Variants in TRIM36 observed in about 807,000 individuals in gnomAD.
TRIM36 encodes tripartite motif containing 36.
A neutral mutation model predicts 72.4 loss-of-function variants in TRIM36; 42 were observed. The observed-to-expected ratio is 0.58, with a 90% CI of 0.45 to 0.75. The LOEUF is 0.75. TRIM36 is among the 30% of genes least tolerant of loss of function. The pLI is 0.00. For missense variants in TRIM36, 913 were observed against 857.1 expected, an observed-to-expected ratio of 1.07 and a Z score of -0.81; for synonymous variants, 315 against 282.8, an observed-to-expected ratio of 1.11 and a Z score of -1.14.
chr5:115,169,995 G>A (rs1755021166), upstream of TRIM36: 2 of 1,105,688 alleles, frequency 1.8e-6, no homozygotes, highest in East Asian at 5.2e-5. Flanking sequence ...AGGCAACAGC[G>A]CCAGTCGCAC....
intron 2 of TRIM36, among the ~76,000 whole-genome samples, chr5:115,162,770 C>A (rs1196861251): frequency 6.6e-6 from 1 of 151,882 alleles, no homozygotes; most frequent in South Asian, 2.1e-4. Flanking sequence ...CCTCAGTGCG[C>A]CAGATTGGCA....
chr5:115,160,556 G>T (rs528770023), intron 2 of TRIM36, among the ~76,000 whole-genome samples: 2 of 152,276 alleles, frequency 1.3e-5, no homozygotes, highest in African/African-American at 4.8e-5. Context: ...GGCAAAACTA[G>T]ACTGGGTATA....
chr5:115,177,506 A>G (rs1301227366), intron 1 of TRIM36: 22 of 1,308,114 alleles, frequency 1.7e-5, no homozygotes, highest in Middle Eastern at 3.0e-4. Context: ...CGAACCCCAC[A>G]GAGGAAAATA....
At chr5:115,177,654 G>A in intron 1 of TRIM36, 1 of 1,589,378 alleles carries the variant, frequency 6.3e-7, no homozygotes, top group Non-Finnish European at 8.6e-7. Context: ...AGCCTGAGGA[G>A]AGTGGTAGGA....
intron 8 of TRIM36, 104 bp from the exon 9 acceptor site, chr5:115,130,993 CG>C: frequency 7.5e-7 from 1 of 1,327,906 alleles, no homozygotes; most frequent in Non-Finnish European, 1.0e-6. Flanking sequence ...AGACAGGAAG[CG>C]GGAAGGAGGT....
intron 2 of TRIM36, among the ~76,000 whole-genome samples, chr5:115,151,421 C>G (rs1171517848): frequency 6.6e-6 from 1 of 151,978 alleles, no homozygotes; most frequent in African/African-American, 2.4e-5. Context: ...CGCCCTGCCC[C>G]CACCCAGGGG....
chr5:115,179,189 T>G (rs763641714), intron 1 of TRIM36, among the ~76,000 whole-genome samples: 1 of 152,058 alleles, frequency 6.6e-6, no homozygotes, highest in Non-Finnish European at 1.5e-5. Flanking sequence ...GCAAACCACT[T>G]AGGAGCTTCT....
At chr5:115,179,217 T>C (rs1755492132) in intron 1 of TRIM36, among the ~76,000 whole-genome samples, 1 of 152,174 alleles carries the variant, frequency 6.6e-6, no homozygotes, top group Non-Finnish European at 1.5e-5. Flanking sequence ...ATTTCTCGGA[T>C]GCAGCGCGGA....
At chr5:115,174,800 G>A (rs60504148), upstream of TRIM36, among the ~76,000 whole-genome samples, 135 of 152,216 alleles carry the variant, frequency 8.9e-4, 1 homozygote, top group African/African-American at 3.1e-3. Flanking sequence ...TTTTATTTAA[G>A]ACAAAATCTA....
At chr5:115,159,534 AT>A in intron 2 of TRIM36, 1 of 387,006 alleles carries the variant, frequency 2.6e-6, no homozygotes, top group East Asian at 7.9e-5. Flanking sequence ...TCTCTACACA[AT>A]TTTGAAGACT....
intron 2 of TRIM36, among the ~76,000 whole-genome samples, chr5:115,162,450 A>T (rs11745636): frequency 1.3e-5 from 2 of 152,054 alleles, no homozygotes; most frequent in African/African-American, 4.8e-5. Flanking sequence ...ACAGAGTACC[A>T]TGTCAGGTAA....
chr5:115,163,807 T>A (rs1272714789), intron 1 of TRIM36, 55 bp from the exon 2 acceptor site: 6 of 1,279,036 alleles, frequency 4.7e-6, no homozygotes, highest in African/African-American at 1.5e-5. Flanking sequence ...TATATTAACA[T>A]TCTTATACCT....
At chr5:115,146,768 G>C (rs1208899197) in intron 3 of TRIM36, among the ~76,000 whole-genome samples, 13 of 152,116 alleles carry the variant, frequency 8.5e-5, no homozygotes, top group Admixed American at 8.5e-4. Context: ...CAATCTTAAA[G>C]AGTATATCTG....
intron 9 of TRIM36, 148 bp from the exon 10 acceptor site, chr5:115,127,005 T>C (rs763036291): frequency 7.2e-6 from 6 of 836,242 alleles, no homozygotes; most frequent in African/African-American, 3.4e-5. Flanking sequence ...AACATAAAAA[T>C]GACACATTAC....
chr5:115,150,240 C>G (rs943275319), intron 2 of TRIM36, among the ~76,000 whole-genome samples: 1 of 152,102 alleles, frequency 6.6e-6, no homozygotes. Context: ...GAATTAAGAA[C>G]AAAATGGAAG....
upstream of TRIM36, chr5:115,171,087 T>C (rs765861920): frequency 3.7e-6 from 6 of 1,614,226 alleles, no homozygotes; most frequent in Non-Finnish European, 5.1e-6. Flanking sequence ...TACAGAGCTG[T>C]AGCGAGACAT....
intron 1 of TRIM36, chr5:115,179,828 G>A: frequency 2.8e-6 from 2 of 714,832 alleles, no homozygotes; most frequent in Non-Finnish European, 4.7e-6. Flanking sequence ...CGCAGCTGCT[G>A]GGACGCCCGG....
At chr5:115,160,732 G>C (rs796800514) in intron 2 of TRIM36, among the ~76,000 whole-genome samples, 2 of 152,188 alleles carry the variant, frequency 1.3e-5, no homozygotes, top group African/African-American at 4.8e-5. Context: ...TCTAGTCTCC[G>C]GTATGTAGGA....
intron 2 of TRIM36, among the ~76,000 whole-genome samples, chr5:115,152,210 T>G (rs1281931264): frequency 6.6e-6 from 1 of 152,086 alleles, no homozygotes; most frequent in South Asian, 2.1e-4. Context: ...GACACACTAA[T>G]AGAAATGCAA....
Sources: allele counts gnomAD v4.1 joint callset (sites outside exome capture counted in the v4.1 genomes callset), GRCh38; gene constraint gnomAD v4.1.1; transcripts MANE v1.5; gene names NCBI Gene and HGNC (gene_info 2026-07-23, HGNC 2026-07-21).